Variants in RP1 observed in about 807,000 individuals in gnomAD.
The protein encoded by RP1 is oxygen-regulated protein 1.
In RP1, 16 loss-of-function variants were observed where a neutral mutation model predicts 14.8. The ratio of observed to expected loss-of-function variants is 1.08; its 90% CI spans 0.73 to 1.65. RP1 has a LOEUF of 1.65. RP1 is among the 40% of genes most tolerant of loss of function. The pLI, the probability that RP1 is intolerant of heterozygous loss-of-function variation, is 0.00. For synonymous variants in RP1, 876 were observed against 883.6 expected, an observed-to-expected ratio of 0.99 and a Z score of 0.15; for missense variants, 2,631 against 2,535.0, an observed-to-expected ratio of 1.04 and a Z score of -0.81.
intron 16 of RP1, among the ~76,000 whole-genome samples, chr8:54,725,122 C>T (rs951958970): frequency 5.9e-5 from 9 of 152,240 alleles, no homozygotes; most frequent in South Asian, 2.1e-4. Flanking sequence ...TTGATTTGTT[C>T]CTCATGCTAT....
At chr8:54,761,919 TTC>T (rs1346960192) in intron 22 of RP1, among the ~76,000 whole-genome samples, 1 of 152,170 alleles carries the variant, frequency 6.6e-6, no homozygotes, top group Admixed American at 6.5e-5. Flanking sequence ...GCAGGTTCCT[TTC>T]TACTGCAGAA....
intron 25 of RP1, among the ~76,000 whole-genome samples, chr8:54,838,987 A>G (rs1379524024): frequency 1.3e-5 from 2 of 152,240 alleles, no homozygotes; most frequent in East Asian, 3.8e-4. Flanking sequence ...TACTTACAGT[A>G]TACAGCAGTG....
At chr8:54,721,980 C>G (rs1808546955) in intron 16 of RP1, among the ~76,000 whole-genome samples, 1 of 152,178 alleles carries the variant, frequency 6.6e-6, no homozygotes, top group East Asian at 1.9e-4. Flanking sequence ...CTGTGGCTCA[C>G]GCTTATAATC....
At chr8:54,613,720 T>C (rs1003523365), upstream of RP1, among the ~76,000 whole-genome samples, 5 of 152,172 alleles carry the variant, frequency 3.3e-5, no homozygotes, top group Admixed American at 1.3e-4. Context: ...AGAAAATGTA[T>C]GGCAATGAAA....
chr8:54,740,449 C>T (rs548433582), intron 19 of RP1, among the ~76,000 whole-genome samples: 14 of 148,552 alleles, frequency 9.4e-5, no homozygotes, highest in African/African-American at 3.2e-4. Context: ...GAGAGCCAGG[C>T]GCAGTGGCTC....
intron 21 of RP1, chr8:54,755,823 C>A: frequency 2.2e-6 from 3 of 1,360,916 alleles, no homozygotes; most frequent in African/African-American, 1.5e-5. Context: ...CTGAAGATGG[C>A]CACATATGAT....
In RP1 at chr8:54,663,709, T is replaced by G. The variant is rs1348264713; in HGVS notation, c.1182T>G (p.Tyr394Ter). Residue 394 changes from tyrosine (Y) to a stop codon, truncating the protein, a stop_gained, in exon 7 of 23, where the codon TAT becomes TAG. Transcript: ENST00000636932. LOFTEE classifies it high-confidence loss of function. ...TTCTTATGTTGTCAGTGACAATATA[T>G]GAAGTGAATGTGGCAACGGGTGAGC... 1 of 1,525,964 alleles carries G rather than the reference T, an allele frequency of 6.6e-7. No individual in the cohort carries two copies. 94.5% of individuals were successfully genotyped at this position (1,525,964 alleles called of 1,614,324 possible).
intron 28 of RP1, among the ~76,000 whole-genome samples, chr8:54,867,112 G>A (rs949992606): frequency 6.6e-6 from 1 of 152,176 alleles, no homozygotes; most frequent in Non-Finnish European, 1.5e-5. Context: ...TCTGAATTTA[G>A]TAGGTGGCTC....
At chr8:54,619,410 T>C (rs1327621842) in intron 1 of RP1, among the ~76,000 whole-genome samples, 3 of 152,244 alleles carry the variant, frequency 2.0e-5, no homozygotes, top group Non-Finnish European at 4.4e-5. Flanking sequence ...CACATTAATT[T>C]TGTTTGTTCA....
chr8:54,561,308 C>T (rs1043020798), intron 1 of RP1, among the ~76,000 whole-genome samples: 7 of 152,032 alleles, frequency 4.6e-5, no homozygotes, highest in Non-Finnish European at 8.8e-5. Context: ...TCTTTTTGGC[C>T]AGAGTTTACA....
chr8:54,835,330 A>T (rs1040504257), intron 24 of RP1, among the ~76,000 whole-genome samples: 4 of 152,190 alleles, frequency 2.6e-5, no homozygotes, highest in African/African-American at 4.8e-5. Flanking sequence ...CAGTCATTTC[A>T]GTTCTGGTTC....
At chr8:54,577,296 G>A (rs868833283) in intron 1 of RP1, among the ~76,000 whole-genome samples, 7 of 152,184 alleles carry the variant, frequency 4.6e-5, no homozygotes, top group Non-Finnish European at 1.0e-4. Flanking sequence ...GATTACAGGC[G>A]TGAGCTGCCG....
At chr8:54,864,745 C>T (rs993700066) in intron 27 of RP1, among the ~76,000 whole-genome samples, 3 of 152,156 alleles carry the variant, frequency 2.0e-5, no homozygotes, top group Admixed American at 6.6e-5. Flanking sequence ...TTCCACATTG[C>T]CTTGATTGGT....
chr8:54,594,815 G>T (rs2129302225), intron 1 of RP1, among the ~76,000 whole-genome samples: 1 of 152,252 alleles, frequency 6.6e-6, no homozygotes, highest in Non-Finnish European at 1.5e-5. Context: ...TCAGAACTCA[G>T]AAATTTCCAT....
intron 18 of RP1, among the ~76,000 whole-genome samples, chr8:54,737,937 T>A (rs1808975772): frequency 6.6e-6 from 1 of 152,094 alleles, no homozygotes; most frequent in African/African-American, 2.4e-5. Context: ...GTAGAAATAA[T>A]AACAATGGCT....
intron 24 of RP1, among the ~76,000 whole-genome samples, chr8:54,789,888 C>T (rs1810418898): frequency 6.6e-6 from 1 of 152,166 alleles, no homozygotes; most frequent in African/African-American, 2.4e-5. Context: ...TGACCCTACC[C>T]AATTGCAGAG....
intron 3 of RP1, among the ~76,000 whole-genome samples, chr8:54,640,229 A>G (rs1806428628): frequency 6.6e-6 from 1 of 151,888 alleles, no homozygotes; most frequent in South Asian, 2.1e-4. Flanking sequence ...TTCATTGAAT[A>G]CTTTGATTTA....
chr8:54,717,543 T>C (rs1205746374), intron 15 of RP1, among the ~76,000 whole-genome samples: 1 of 152,148 alleles, frequency 6.6e-6, no homozygotes, highest in East Asian at 1.9e-4. Context: ...GATTGAATAT[T>C]GGTGGTGAAA....
At chr8:54,607,907 G>A (rs1362235902) in intron 1 of RP1, among the ~76,000 whole-genome samples, 1 of 152,128 alleles carries the variant, frequency 6.6e-6, no homozygotes, top group East Asian at 1.9e-4. Context: ...GCAGTATTAG[G>A]GTGGGAGTGA....
Sources: allele counts gnomAD v4.1 joint callset (sites outside exome capture counted in the v4.1 genomes callset), GRCh38; gene constraint gnomAD v4.1.1; transcripts MANE v1.5; gene names NCBI Gene and HGNC (gene_info 2026-07-23, HGNC 2026-07-21).